IQSEC1: variants seen among roughly 807,000 people sequenced by gnomAD.
The protein encoded by IQSEC1 is IQ motif and SEC7 domain-containing protein 1.
IQSEC1 carries 31 observed loss-of-function variants against 91.0 expected under a neutral mutation model. That is an observed-to-expected ratio of 0.34 (90% CI 0.26 to 0.46). The LOEUF is 0.46. Ranked by LOEUF, IQSEC1 falls within the 20% of genes least tolerant of loss-of-function variation. The probability of loss-of-function intolerance (pLI) is 1.00; values close to 1 mark genes in which losing one functional copy is unlikely to be tolerated. For synonymous variants in IQSEC1, 699 were observed against 662.6 expected (o/e 1.05, Z -0.84); for missense variants, 1,388 against 1,575.6 (o/e 0.88, Z 2.02).
intron 1 of IQSEC1, among the ~76,000 whole-genome samples, chr3:13,228,934 C>A (rs539239171): frequency 6.6e-6 from 1 of 152,360 alleles, no homozygotes; most frequent in South Asian, 2.1e-4. Context: ...CCTCCTGGCA[C>A]CTAGGACAAT....
At chr3:13,133,286 C>G (rs1706651748) in intron 2 of IQSEC1, among the ~76,000 whole-genome samples, 1 of 152,240 alleles carries the variant, frequency 6.6e-6, no homozygotes, top group Non-Finnish European at 1.5e-5. Context: ...AGGGTGCAAG[C>G]AGGTGCTGGA....
chr3:13,081,026 C>T (rs750115026), intron 2 of IQSEC1, among the ~76,000 whole-genome samples: 1 of 152,238 alleles, frequency 6.6e-6, no homozygotes, highest in East Asian at 1.9e-4. Flanking sequence ...TGCAAGGTTT[C>T]TGCATACAGT....
intron 1 of IQSEC1, among the ~76,000 whole-genome samples, chr3:13,167,248 A>C (rs1462656971): frequency 6.6e-6 from 1 of 152,156 alleles, no homozygotes; most frequent in African/African-American, 2.4e-5. Context: ...AGACCTGGAG[A>C]TAAAGATTCA....
At position 13,087,441 on chromosome 3, in the gene IQSEC1, C is replaced by T. The variant is rs912825949; in HGVS notation, c.303-39919G>A. Among the ~76,000 whole-genome samples the T allele has an allele frequency of 2.6e-5, 4 of 152,314 alleles. No individual in the cohort carries two copies. The East Asian group carries it at 5.8e-4, about 22-fold the overall frequency. On this transcript the variant is annotated intron_variant, in intron 2 of 15. Coordinates refer to the IQSEC1 transcript ENST00000648114. ...TCTGCAGACAAGCCCCTTCGCTTCT[C>T]TCAGCCTCAGTCTCCTCATCTGCAA...
chr3:13,164,407 A>C (rs761821428), intron 1 of IQSEC1, among the ~76,000 whole-genome samples: 9 of 152,190 alleles, frequency 5.9e-5, no homozygotes, highest in Non-Finnish European at 1.3e-4. Context: ...TTGTTTTCCC[A>C]GGATTTGAAT....
chr3:13,270,478 C>T (rs1034135893), intron 1 of IQSEC1, among the ~76,000 whole-genome samples: 9 of 152,204 alleles, frequency 5.9e-5, no homozygotes, highest in African/African-American at 2.2e-4. Context: ...GATGGGTCTG[C>T]ACCTGTGTTT....
intron 2 of IQSEC1, 110 bp downstream of exon 2, chr3:12,941,461 C>T: frequency 8.7e-7 from 1 of 1,151,838 alleles, no homozygotes; most frequent in South Asian, 1.7e-5. Context: ...CACATGCACC[C>T]CAACTCAAGT....
intron 1 of IQSEC1, chr3:13,021,939 A>G (rs1326832858): frequency 1.2e-6 from 1 of 851,948 alleles, no homozygotes; most frequent in African/African-American, 1.8e-5. Flanking sequence ...AGCTCCCTCC[A>G]TCCCAGCTCC....
chr3:13,241,875 G>A (rs577334559), intron 1 of IQSEC1, among the ~76,000 whole-genome samples: 10 of 152,366 alleles, frequency 6.6e-5, no homozygotes, highest in East Asian at 1.9e-4. Flanking sequence ...TTTCACAGAC[G>A]GAACGGGAAG....
At position 12,922,076 on chromosome 3, in the gene IQSEC1, C is replaced by T. The variant is rs1458844725; in HGVS notation, c.1853+44G>A. 6.5e-7 allele frequency: 1 copy of T among 1,529,812 alleles called. No homozygotes were observed. Among genetic ancestry groups the T allele is most frequent in the Non-Finnish European group, 8.8e-7 (1 of 1,130,618 alleles). 94.8% of individuals were successfully genotyped at this position (1,529,812 alleles called of 1,614,324 possible). ...CCTCGGGCCCTGAAGCTGGGGGACA[C>T]CATTCTTCCCTGATGCAGCAGCCCC... is the stretch of plus-strand genomic sequence containing the variant. On this transcript the variant is annotated intron_variant, in intron 5 of 13. Transcript: ENST00000613206. This position sits in a 1 kb window ranked among gnomAD's most constrained non-coding sequence, Gnocchi z 5.1.
intron 1 of IQSEC1, among the ~76,000 whole-genome samples, chr3:13,186,721 G>A (rs1232198473): frequency 5.9e-5 from 9 of 152,108 alleles, no homozygotes; most frequent in Non-Finnish European, 1.3e-4. Flanking sequence ...CGTGAACATG[G>A]TGGAATGCGG....
intron 1 of IQSEC1, among the ~76,000 whole-genome samples, chr3:13,177,458 C>T (rs1009471839): frequency 1.3e-5 from 2 of 152,232 alleles, no homozygotes; most frequent in African/African-American, 4.8e-5. Context: ...ATAATTCCCA[C>T]AGTGGGCACT....
upstream of IQSEC1, among the ~76,000 whole-genome samples, chr3:13,073,580 T>G (rs1448369985): frequency 8.0e-5 from 12 of 150,834 alleles, no homozygotes; most frequent in African/African-American, 2.9e-4. Flanking sequence ...CGCGGCAAAG[T>G]CACACACCCG....
At chr3:13,123,115 C>T (rs144657246) in intron 2 of IQSEC1, among the ~76,000 whole-genome samples, 34 of 152,316 alleles carry the variant, frequency 2.2e-4, no homozygotes, top group African/African-American at 7.9e-4. Flanking sequence ...ATAATACACC[C>T]GCTGAGCAAA....
intron 1 of IQSEC1, among the ~76,000 whole-genome samples, chr3:13,035,890 C>T (rs557485641): frequency 1.2e-4 from 19 of 152,308 alleles, no homozygotes; most frequent in Admixed American, 2.6e-4. Context: ...GGGACCCAGC[C>T]GCCATGTTTT....
chr3:13,154,070 C>T lies in IQSEC1; in HGVS notation c.302+10034G>A, dbSNP rs1481558075. Among the ~76,000 whole-genome samples the T allele has an allele frequency of 2.0e-5, 3 of 152,052 alleles. No individual in the cohort carries two copies. The East Asian group carries it at 5.8e-4, about 29-fold the overall frequency. ...TAAGGACAGCAGCACTGGGTGACCA[C>T]ACATTGGCCTGTTATGCATATAGAA... On this transcript the variant is annotated intron_variant, in intron 2 of 15. Coordinates refer to the IQSEC1 transcript ENST00000648114.
At position 12,967,647 on chromosome 3, in the gene IQSEC1, G is replaced by T; in HGVS notation, c.24-25782C>A. On this transcript the variant is annotated intron_variant, in intron 1 of 13. Transcript: ENST00000613206. The surrounding 1 kb of genome is among the most constrained non-coding windows in gnomAD (Gnocchi z 5.9). Reference sequence around the variant, plus strand: ...CCCGCGGCTCCGGCCCCAAGTCCGAGCCCCAGGCCAGCCAAGCCCGCCCCT... The same window carrying T: ...CCCGCGGCTCCGGCCCCAAGTCCGATCCCCAGGCCAGCCAAGCCCGCCCCT... The T allele has an allele frequency of 8.3e-7, 1 of 1,204,830 alleles. No homozygotes were observed. Among genetic ancestry groups the T allele is most frequent in the Non-Finnish European group, 1.0e-6 (1 of 971,934 alleles). The allele number at this position is 1,204,830 out of a possible 1,614,324, so 74.6% of individuals were successfully genotyped here. A position where few individuals can be genotyped will look rare whatever the true frequency, so the allele number is the denominator to read the frequency against.
At chr3:13,228,046 G>A (rs1365375817) in intron 1 of IQSEC1, among the ~76,000 whole-genome samples, 1 of 152,076 alleles carries the variant, frequency 6.6e-6, no homozygotes, top group East Asian at 1.9e-4. Flanking sequence ...CTGTCTATGC[G>A]CCTCCTGCTC....
At chr3:13,079,215 G>T (rs558276864) in intron 2 of IQSEC1, among the ~76,000 whole-genome samples, 1 of 152,302 alleles carries the variant, frequency 6.6e-6, no homozygotes, top group African/African-American at 2.4e-5. Context: ...GCAAGCATAG[G>T]CCACTGGCTG....
Sources: gnomAD v4.1 joint callset for allele counts (sites outside exome capture counted in the v4.1 genomes callset) on GRCh38, gnomAD v4.1.1 for gene constraint, Gnocchi (gnomAD v3.1) non-coding constraint, MANE v1.5 for transcripts, NCBI Gene and HGNC (gene_info 2026-07-23, HGNC 2026-07-21) for gene names.